Variants in PRKCH observed in about 807,000 individuals in gnomAD.
PRKCH encodes protein kinase C eta type.
PRKCH carries 28 observed loss-of-function variants against 82.5 expected under a neutral mutation model. The ratio of observed to expected loss-of-function variants is 0.34; its 90% CI spans 0.25 to 0.47. The LOEUF (loss-of-function observed/expected upper bound fraction) is 0.47. Ranked by LOEUF, PRKCH falls within the 20% of genes least tolerant of loss-of-function variation. The probability of loss-of-function intolerance (pLI) is 1.00; values close to 1 mark genes in which losing one functional copy is unlikely to be tolerated. For missense variants in PRKCH, 705 were observed against 881.8 expected (o/e 0.80, Z 2.54); for synonymous variants, 322 against 327.4 (o/e 0.98, Z 0.18).
At chr14:61,291,097 T>C (rs1006377720) in intron 1 of PRKCH, among the ~76,000 whole-genome samples, 3 of 152,182 alleles carry the variant, frequency 2.0e-5, no homozygotes, top group African/African-American at 4.8e-5. Flanking sequence ...GCCTCAGAGA[T>C]TTTAGCCTGA....
At chr14:61,454,780 C>T (rs1884681010) in intron 7 of PRKCH, among the ~76,000 whole-genome samples, 1 of 152,176 alleles carries the variant, frequency 6.6e-6, no homozygotes, top group Admixed American at 6.5e-5. Context: ...GGCTGCTTCC[C>T]AAGCCCATGT....
At chr14:61,505,018 A>G (rs538957195) in intron 10 of PRKCH, among the ~76,000 whole-genome samples, 1 of 152,300 alleles carries the variant, frequency 6.6e-6, no homozygotes, top group East Asian at 1.9e-4. Context: ...CAAACAAGTA[A>G]AAGTAATTAC....
rs139689711 is a variant in PRKCH, at chr14:61,241,851, A to C, written c.-19+54183A>C. On this transcript the variant is annotated intron_variant, in intron 1 of 3. Transcript: ENST00000555185. ...TCTGTGGACTTAGCTCCTTGATAGAAGCGCGTTTTATGAGATGAAGCGTGT... is the reference window on the plus strand; with the variant it reads ...TCTGTGGACTTAGCTCCTTGATAGACGCGCGTTTTATGAGATGAAGCGTGT... 4.6e-4 allele frequency among the ~76,000 whole-genome samples: 70 copies of C among 152,310 alleles called. No homozygotes were observed. In the East Asian group the frequency reaches 0.012, roughly 27 times the overall value.
chr14:61,350,858 C>T (rs2046064979), intron 1 of PRKCH, among the ~76,000 whole-genome samples: 1 of 152,148 alleles, frequency 6.6e-6, no homozygotes. Context: ...GAGATTGGCC[C>T]TTTAATATCC....
chr14:61,538,879 A>G (rs767708367), intron 12 of PRKCH, among the ~76,000 whole-genome samples: 8 of 152,226 alleles, frequency 5.3e-5, no homozygotes, highest in Admixed American at 2.6e-4. Context: ...CCTTGATTTC[A>G]TCAGAGGAGG....
intron 9 of PRKCH, among the ~76,000 whole-genome samples, chr14:61,474,314 C>T (rs1199898397): frequency 1.3e-5 from 2 of 152,166 alleles, no homozygotes; most frequent in African/African-American, 4.8e-5. Flanking sequence ...GTGCTTTCTC[C>T]CATATAAACC....
At chr14:61,393,377 C>G (rs1464276368) in intron 2 of PRKCH, among the ~76,000 whole-genome samples, 1 of 152,200 alleles carries the variant, frequency 6.6e-6, no homozygotes, top group African/African-American at 2.4e-5. Flanking sequence ...TCTTAACAAT[C>G]TTGAGTATCT....
intron 2 of PRKCH, among the ~76,000 whole-genome samples, chr14:61,393,049 T>C (rs1695775648): frequency 6.6e-6 from 1 of 152,166 alleles, no homozygotes; most frequent in Non-Finnish European, 1.5e-5. Context: ...CAATTGACCA[T>C]ATAATGTGGG....
intron 10 of PRKCH, among the ~76,000 whole-genome samples, chr14:61,518,638 G>A (rs79290929): frequency 7.9e-5 from 12 of 152,150 alleles, no homozygotes; most frequent in Non-Finnish European, 1.3e-4. Flanking sequence ...CAAAGTGAGG[G>A]GAAATCTCTG....
intron 5 of PRKCH, among the ~76,000 whole-genome samples, chr14:61,449,912 G>T (rs1029474008): frequency 6.6e-6 from 1 of 150,762 alleles, no homozygotes; most frequent in African/African-American, 2.5e-5. Context: ...GTGTGTGTGT[G>T]TGTGTGTGTG....
intron 1 of PRKCH, among the ~76,000 whole-genome samples, chr14:61,203,004 TC>T (rs1377080905): frequency 2.0e-5 from 3 of 151,998 alleles, no homozygotes; most frequent in Non-Finnish European, 4.4e-5. Flanking sequence ...ACCCTAAGAC[TC>T]CCTGCGCTCC....
At chr14:61,318,365 GTTT>G (rs77878429), upstream of PRKCH, among the ~76,000 whole-genome samples, 130 of 126,320 alleles carry the variant, frequency 1.0e-3, no homozygotes, top group African/African-American at 3.9e-3. Flanking sequence ...GTTTTAAAAA[GTTT>G]TTTTTTTTTT....
At chr14:61,232,285 G>A (rs1335159061) in intron 1 of PRKCH, among the ~76,000 whole-genome samples, 1 of 152,252 alleles carries the variant, frequency 6.6e-6, no homozygotes. Flanking sequence ...GAATGCAGTA[G>A]AATGATCTCG....
intron 1 of PRKCH, among the ~76,000 whole-genome samples, chr14:61,207,575 G>A (rs1319667474): frequency 6.6e-6 from 1 of 152,106 alleles, no homozygotes. Flanking sequence ...CAATTTACTA[G>A]TGATGAACAT....
chr14:61,430,017 G>A (rs1023090840), intron 2 of PRKCH, among the ~76,000 whole-genome samples: 6 of 152,148 alleles, frequency 3.9e-5, no homozygotes, highest in Admixed American at 2.6e-4. Context: ...CTTGGGCAAA[G>A]AGTTATCAGG....
chr14:61,263,603 A>G (rs1415970241), intron 1 of PRKCH, among the ~76,000 whole-genome samples: 4 of 152,216 alleles, frequency 2.6e-5, no homozygotes. Flanking sequence ...AATTATCTAT[A>G]GCCATATCTC....
intron 10 of PRKCH, among the ~76,000 whole-genome samples, chr14:61,523,919 T>G (rs2042934974): frequency 6.6e-6 from 1 of 152,262 alleles, no homozygotes; most frequent in African/African-American, 2.4e-5. Context: ...GGAGTCGATG[T>G]AGCGAGGGAG....
At chr14:61,240,948 C>T (rs1453026884) in intron 1 of PRKCH, among the ~76,000 whole-genome samples, 2 of 23,896 alleles carry the variant, frequency 8.4e-5, no homozygotes, top group Admixed American at 6.1e-4. Context: ...AGCGTCAATT[C>T]TACAGCTCTA....
At chr14:61,361,813 A>G (rs1018200964) in intron 1 of PRKCH, among the ~76,000 whole-genome samples, 4 of 152,270 alleles carry the variant, frequency 2.6e-5, no homozygotes, top group Non-Finnish European at 5.9e-5. Flanking sequence ...TTAAAAATTA[A>G]TAAACATGCC....
Sources: allele counts gnomAD v4.1 joint callset (sites outside exome capture counted in the v4.1 genomes callset), GRCh38; gene constraint gnomAD v4.1.1; transcripts MANE v1.5; gene names NCBI Gene and HGNC (gene_info 2026-07-23, HGNC 2026-07-21).